The following PGM2 variants were observed in gnomAD, a reference collection of about 807,000 sequenced individuals.
The protein encoded by PGM2 is phosphoglucomutase 2.
A neutral mutation model predicts 74.6 loss-of-function variants in PGM2; 57 were observed. The observed-to-expected ratio is 0.76, with a 90% confidence interval of 0.62 to 0.95. The LOEUF (loss-of-function observed/expected upper bound fraction) is 0.95, where lower values mean the gene tolerates loss of function less well. Among genes scored for constraint, PGM2 ranks in the 40% least tolerant of loss-of-function variants. The probability of loss-of-function intolerance (pLI) is 0.00; values close to 1 mark genes in which losing one functional copy is unlikely to be tolerated. For synonymous variants in PGM2, 273 were observed against 260.7 expected (o/e 1.05, Z -0.46); for missense variants, 706 against 741.9 (o/e 0.95, Z 0.56).
In PGM2 at chr4:37,855,949, A is replaced by G. The variant is rs574669867; in HGVS notation, c.1736+208A>G. On this transcript the variant is annotated intron_variant, in intron 13 of 13. Transcript: ENST00000381967. Reference sequence around the variant, plus strand: ...TTTTACTTTCTTACTTTTGTCCTAAATTTCTTTGTATGGGAAAATTTTATC... The same window carrying G: ...TTTTACTTTCTTACTTTTGTCCTAAGTTTCTTTGTATGGGAAAATTTTATC... 8.5e-5 allele frequency among the ~76,000 whole-genome samples: 13 copies of G among 152,280 alleles called. No individual in the cohort carries two copies. The East Asian group carries it at 9.6e-4, about 11-fold the overall frequency.
intron 4 of PGM2, chr4:37,839,394 C>T (rs564122345): frequency 5.2e-5 from 19 of 366,790 alleles, no homozygotes; most frequent in African/African-American, 1.5e-4. Flanking sequence ...GGATTACAGG[C>T]GTGAGACACC....
At chr4:37,848,720 A>C in intron 11 of PGM2, 69 bp downstream of exon 11, 4 of 1,121,386 alleles carry the variant, frequency 3.6e-6, no homozygotes, top group Non-Finnish European at 5.3e-6. Flanking sequence ...CTTATGCATG[A>C]GATACTAATA....
chr4:37,852,969 C>A (rs551591249), intron 12 of PGM2, among the ~76,000 whole-genome samples: 19 of 152,264 alleles, frequency 1.2e-4, no homozygotes, highest in African/African-American at 4.3e-4. Flanking sequence ...ATAATCACCT[C>A]CCCTGCATTT....
chr4:37,841,100 A>ATATATACATATATATG (rs1202149456), intron 6 of PGM2, among the ~76,000 whole-genome samples: 1 of 115,786 alleles, frequency 8.6e-6, no homozygotes, highest in Admixed American at 1.1e-4. Flanking sequence ...ATATATATAT[A>ATATATACATATATATG]TGTGTGTGTG....
At chr4:37,849,153 C>G (rs565696940) in intron 11 of PGM2, among the ~76,000 whole-genome samples, 2 of 151,866 alleles carry the variant, frequency 1.3e-5, no homozygotes, top group Non-Finnish European at 2.9e-5. Flanking sequence ...TTACTATTCC[C>G]GATCGCATTA....
chr4:37,827,026 C>T (rs1257821923), intron 1 of PGM2, among the ~76,000 whole-genome samples: 1 of 152,264 alleles, frequency 6.6e-6, no homozygotes, highest in Admixed American at 6.5e-5. Flanking sequence ...AAGGCTTGTC[C>T]CCGGACGAAA....
At chr4:37,839,974 A>C (rs1302897312) in intron 5 of PGM2, 43 bp downstream of exon 5, 1 of 1,486,148 alleles carries the variant, frequency 6.7e-7, no homozygotes, top group Admixed American at 1.7e-5. Flanking sequence ...CTTCTGTAGG[A>C]ATCCTGTATC....
rs1725944013 is a variant in PGM2, at chr4:37,848,610, G to A, written c.1371G>A (p.Lys457=). The change falls in exon 11 of 14, where the codon AAG becomes AAA. Residue 457 remains lysine, a synonymous_variant. Transcript: ENST00000381967. ...AGTTGGCTAGCTTCCTAGCAACCAA[G>A]AATTTGTCTTTGTCTCAGCAACTAA... is the stretch of plus-strand genomic sequence containing the variant. ...SAELASFLAT[K]NLSLSQQLKA... is the part of the protein sequence containing the mutation. The A allele has an allele frequency of 1.2e-6, 2 of 1,613,906 alleles. No individual in the cohort carries two copies. The highest frequency in any genetic ancestry group is 2.2e-5 in the East Asian group (1 of 44,880).
chr4:37,858,330 T>G (rs560444732), intron 13 of PGM2, among the ~76,000 whole-genome samples: 1 of 145,110 alleles, frequency 6.9e-6, no homozygotes, highest in African/African-American at 2.7e-5. Context: ...AATAAAGTTT[T>G]TTTTGTTTTG....
intron 7 of PGM2, among the ~76,000 whole-genome samples, chr4:37,844,910 G>C (rs904610632): frequency 4.5e-4 from 68 of 149,452 alleles, no homozygotes; most frequent in African/African-American, 1.6e-3. Flanking sequence ...GGAGGTTGCA[G>C]TGAGCTGAGA....
intron 7 of PGM2, among the ~76,000 whole-genome samples, chr4:37,845,406 G>A (rs1391177860): frequency 2.6e-5 from 4 of 152,162 alleles, no homozygotes; most frequent in Non-Finnish European, 5.9e-5. Context: ...ACACACCGAT[G>A]CTCCCATTAT....
chr4:37,826,889 G>T, intron 1 of PGM2, 76 bp downstream of exon 1: 1 of 933,754 alleles, frequency 1.1e-6, no homozygotes, highest in Non-Finnish European at 1.6e-6. Context: ...GGCGCTGCTT[G>T]CTCTGCCTGA....
chr4:37,835,376 A>T (rs539137715), intron 3 of PGM2, among the ~76,000 whole-genome samples: 1 of 152,210 alleles, frequency 6.6e-6, no homozygotes, highest in African/African-American at 2.4e-5. Flanking sequence ...TGCATATCAC[A>T]TGATTCCCAT....
At position 37,833,651 on chromosome 4, in the gene PGM2, A is replaced by G. The variant is rs148305740; in HGVS notation, c.250-967A>G. Among the ~76,000 whole-genome samples the G allele has an allele frequency of 2.6e-5, 4 of 152,332 alleles. No homozygotes were observed. In the East Asian group the frequency reaches 7.7e-4, roughly 29 times the overall value. Reference sequence around the variant, plus strand: ...ATGAATCATTATTTTTGCCCAATCAACCAGAGTTCTCTTTGTTTTATATGG... The same window carrying G: ...ATGAATCATTATTTTTGCCCAATCAGCCAGAGTTCTCTTTGTTTTATATGG... On this transcript the variant is annotated intron_variant, in intron 2 of 13. Coordinates refer to ENST00000381967, the MANE Select transcript of PGM2 (RefSeq NM_018290.4).
rs541939144 is a variant in PGM2 at position 37,844,533 on chromosome 4, G to A, written c.889G>A (p.Glu297Lys). ...EFPTVKYPNP[E>K]EGKGVLTLSF... ...TCCAACAGTGAAATACCCGAATCCC[G>A]AAGAGGGGAAAGGTGTCTTGGTAAC... The change falls in exon 7 of 14, where the codon GAA (glutamate) becomes AAA (lysine). Residue 297 changes from glutamate to lysine, a missense_variant. Around this residue, in one of 3 missense-constraint regions of PGM2, gnomAD observed 15 missense variants for 35.8 expected, o/e 0.42. Coordinates refer to ENST00000381967, the MANE Select transcript of PGM2 (RefSeq NM_018290.4). 20 of 1,611,438 alleles carry A rather than the reference G, an allele frequency of 1.2e-5. No individual in the cohort carries two copies. Among genetic ancestry groups the A allele is most frequent in the African/African-American group, 2.7e-5 (2 of 74,954 alleles).
intron 1 of PGM2, among the ~76,000 whole-genome samples, chr4:37,829,719 G>A (rs1364221664): frequency 6.6e-6 from 1 of 152,084 alleles, no homozygotes; most frequent in African/African-American, 2.4e-5. Context: ...AGACTCATAT[G>A]CTAAAATCTC....
intron 3 of PGM2, among the ~76,000 whole-genome samples, chr4:37,836,862 G>GGTGTGTGT (rs57338198): frequency 0.24 from 35,940 of 150,382 alleles, 4,718 homozygotes; most frequent in African/African-American, 0.35. Flanking sequence ...TATGTGTATG[G>GGTGTGTGT]GTGTGTGTGT....
At chr4:37,827,449 C>T (rs1365743043) in intron 1 of PGM2, among the ~76,000 whole-genome samples, 1 of 152,072 alleles carries the variant, frequency 6.6e-6, no homozygotes, top group East Asian at 1.9e-4. Flanking sequence ...ATCACTCCCT[C>T]TCCTCTCTAT....
At chr4:37,827,012 C>A (rs1426928119) in intron 1 of PGM2, among the ~76,000 whole-genome samples, 199 bp downstream of exon 1, 2 of 152,262 alleles carry the variant, frequency 1.3e-5, no homozygotes, top group African/African-American at 4.8e-5. Context: ...AGAGTTAGGC[C>A]GGGAAGGCTT....
Sources: gnomAD v4.1 joint callset for allele counts (sites outside exome capture counted in the v4.1 genomes callset) on GRCh38, gnomAD v4.1.1 for gene constraint, gnomAD v4.1.1 regional missense constraint, MANE v1.5 for transcripts, NCBI Gene and HGNC (gene_info 2026-07-23, HGNC 2026-07-21) for gene names.